SHISA6: variants seen among roughly 807,000 people sequenced by gnomAD.
SHISA6 encodes protein shisa-6.
A neutral mutation model predicts 47.9 loss-of-function variants in SHISA6; 22 were observed. The ratio of observed to expected loss-of-function variants is 0.46; its 90% CI spans 0.33 to 0.66. The LOEUF is 0.66. Ranked by LOEUF, SHISA6 falls within the 30% of genes least tolerant of loss-of-function variation. The pLI is 0.02. For missense variants in SHISA6, 680 were observed against 764.6 expected, an observed-to-expected ratio of 0.89 and a Z score of 1.30; for synonymous variants, 388 against 337.8, an observed-to-expected ratio of 1.15 and a Z score of -1.63.
At chr17:11,298,218 C>G (rs538810950) in intron 2 of SHISA6, among the ~76,000 whole-genome samples, 1 of 152,316 alleles carries the variant, frequency 6.6e-6, no homozygotes, top group East Asian at 1.9e-4. Flanking sequence ...CGTCTTCATT[C>G]CAGCATCTAT....
chr17:11,280,983 G>T (rs1909096467), intron 2 of SHISA6, among the ~76,000 whole-genome samples: 1 of 151,988 alleles, frequency 6.6e-6, no homozygotes, highest in African/African-American at 2.4e-5. Flanking sequence ...GTTTATTGGT[G>T]GTATATAAAA....
intron 3 of SHISA6, among the ~76,000 whole-genome samples, chr17:11,488,503 A>T (rs1029955850): frequency 2.4e-4 from 36 of 152,142 alleles, no homozygotes; most frequent in African/African-American, 8.4e-4. Flanking sequence ...AGCAGAAAAA[A>T]CATTATTTTT....
intron 3 of SHISA6, among the ~76,000 whole-genome samples, chr17:11,448,119 AG>A (rs1567608415): frequency 6.6e-6 from 1 of 152,212 alleles, no homozygotes; most frequent in South Asian, 2.1e-4. Context: ...ACAAGGGAAA[AG>A]GGGGAAGCAA....
chr17:11,460,887 C>T (rs1017975557), intron 3 of SHISA6, among the ~76,000 whole-genome samples: 4 of 152,198 alleles, frequency 2.6e-5, no homozygotes, highest in African/African-American at 9.7e-5. Context: ...GTGTTTTAAT[C>T]AGCAAAACAC....
chr17:11,271,601 C>CTTTTTTTT (rs770845288), intron 2 of SHISA6, among the ~76,000 whole-genome samples: 6 of 99,688 alleles, frequency 6.0e-5, no homozygotes, highest in African/African-American at 2.2e-4. Context: ...CCACGCCTGG[C>CTTTTTTTT]TTTTTTTTTT....
intron 2 of SHISA6, among the ~76,000 whole-genome samples, chr17:11,344,129 T>C (rs1380392984): frequency 1.3e-5 from 2 of 152,236 alleles, no homozygotes; most frequent in African/African-American, 2.4e-5. Context: ...GTATCTTATT[T>C]GGAGAAACGT....
intron 2 of SHISA6, among the ~76,000 whole-genome samples, chr17:11,322,067 C>T (rs111739573): frequency 9.9e-5 from 15 of 152,012 alleles, no homozygotes; most frequent in African/African-American, 3.6e-4. Context: ...GGGATTATGT[C>T]TCTTTAATTT....
chr17:11,536,757 A>C (rs2071791505), intron 3 of SHISA6, among the ~76,000 whole-genome samples: 1 of 152,106 alleles, frequency 6.6e-6, no homozygotes. Context: ...TCCACTCCCA[A>C]GCAATTCCAG....
intron 1 of SHISA6, 66 bp from the exon 2 acceptor site, chr17:11,263,300 C>A (rs1238666375): frequency 1.3e-6 from 2 of 1,507,940 alleles, no homozygotes; most frequent in Non-Finnish European, 1.8e-6. Flanking sequence ...GAAAGTAAGC[C>A]AACTCCCCTC....
At chr17:11,300,153 A>AAAC (rs1909875010) in intron 2 of SHISA6, among the ~76,000 whole-genome samples, 1 of 149,752 alleles carries the variant, frequency 6.7e-6, no homozygotes, top group South Asian at 2.1e-4. Flanking sequence ...TTAAAACAAA[A>AAAC]AAAAAAAAAA....
chr17:11,241,428 G>A lies in SHISA6; in HGVS notation c.6G>A (p.Ala2=). ...CCCTCCCGCCCGGCCCCGCCATGGC[G>A]CTGCGGCGCCTCCTGCTGCTGCTGC... M[A]LRRLLLLLLL... is the part of the protein sequence containing the mutation. Residue 2 remains alanine (A), a synonymous_variant, in exon 1 of 6, where the codon GCG becomes GCA. Transcript: ENST00000441885. The surrounding 1 kb of genome is among the most constrained non-coding windows in gnomAD (Gnocchi z 5.5). 1.7e-6 allele frequency: 2 copies of A among 1,179,490 alleles called. No homozygotes were observed. The highest frequency in any genetic ancestry group is 3.4e-5 in the Admixed American group (1 of 29,174). The allele number at this position is 1,179,490 out of a possible 1,614,324, so 73.1% of individuals were successfully genotyped here. A position where few individuals can be genotyped will look rare whatever the true frequency, so the allele number is the denominator to read the frequency against.
chr17:11,450,649 T>G (rs1487581961), intron 3 of SHISA6, among the ~76,000 whole-genome samples: 1 of 151,634 alleles, frequency 6.6e-6, no homozygotes. Flanking sequence ...GAGCCAAGAT[T>G]GCGCCATTGC....
intron 3 of SHISA6, among the ~76,000 whole-genome samples, chr17:11,535,188 A>G (rs2071776432): frequency 6.6e-6 from 1 of 152,166 alleles, no homozygotes; most frequent in Admixed American, 6.5e-5. Flanking sequence ...GAAAGCAGGT[A>G]TAAGATGGCA....
At chr17:11,251,748 G>A (rs1236545778) in intron 1 of SHISA6, among the ~76,000 whole-genome samples, 2 of 152,110 alleles carry the variant, frequency 1.3e-5, no homozygotes, top group Admixed American at 1.3e-4. Context: ...GCTGTGCTTC[G>A]TAATGACTCA....
chr17:11,441,010 A>C (rs1268700279), intron 3 of SHISA6, among the ~76,000 whole-genome samples: 1 of 151,934 alleles, frequency 6.6e-6, no homozygotes, highest in Non-Finnish European at 1.5e-5. Context: ...AAGAGAGAGG[A>C]AGGAAGGAAG....
chr17:11,391,476 A>G (rs1913384887), intron 3 of SHISA6, among the ~76,000 whole-genome samples: 1 of 152,170 alleles, frequency 6.6e-6, no homozygotes, highest in African/African-American at 2.4e-5. Flanking sequence ...AGAACTAAGG[A>G]GCAAAGCAGC....
At chr17:11,338,042 A>G (rs1911383736) in intron 2 of SHISA6, among the ~76,000 whole-genome samples, 1 of 152,258 alleles carries the variant, frequency 6.6e-6, no homozygotes, top group South Asian at 2.1e-4. Context: ...CCAAGAAGTG[A>G]TTGAGGCCTG....
chr17:11,319,859 A>C (rs9899974), intron 2 of SHISA6, among the ~76,000 whole-genome samples: 1 of 152,102 alleles, frequency 6.6e-6, no homozygotes, highest in Non-Finnish European at 1.5e-5. Flanking sequence ...GGCAGAAAGT[A>C]CATGTAAACA....
chr17:11,410,219 A>ACCTCATCTTTCCAGTATTAATGC (rs1914077707), intron 3 of SHISA6, among the ~76,000 whole-genome samples: 1 of 152,152 alleles, frequency 6.6e-6, no homozygotes, highest in Admixed American at 6.5e-5. Context: ...GTTGGCTGCG[A>ACCTCATCTTTCCAGTATTAATGC]CCTCATCTTT....
Sources: gnomAD v4.1 joint callset for allele counts (sites outside exome capture counted in the v4.1 genomes callset) on GRCh38, gnomAD v4.1.1 for gene constraint, Gnocchi (gnomAD v3.1) non-coding constraint, MANE v1.5 for transcripts, NCBI Gene and HGNC (gene_info 2026-07-23, HGNC 2026-07-21) for gene names.